Variants in TMEFF2 observed in about 807,000 individuals in gnomAD.
TMEFF2 encodes the protein transmembrane protein with EGF like and two follistatin like domains 2, also known as tomoregulin-2.
TMEFF2 carries 28 observed loss-of-function variants against 53.8 expected under a neutral mutation model. The observed-to-expected ratio is 0.52, with a 90% CI of 0.39 to 0.71. The LOEUF (loss-of-function observed/expected upper bound fraction) is 0.71. TMEFF2 is among the 30% of genes least tolerant of loss of function. TMEFF2 has a pLI of 0.00. For synonymous variants in TMEFF2, 162 were observed against 166.3 expected (o/e 0.97, Z 0.20); for missense variants, 353 against 455.2 (o/e 0.78, Z 2.04).
chr2:191,966,882 G>A (rs1574251530), intron 7 of TMEFF2, among the ~76,000 whole-genome samples: 1 of 152,078 alleles, frequency 6.6e-6, no homozygotes, highest in Admixed American at 6.5e-5. Flanking sequence ...AAAAGAACTG[G>A]AGGGGTTTTT....
chr2:191,950,400 G>C lies in TMEFF2; in HGVS notation c.1036C>G (p.Pro346Ala), dbSNP rs768540894. Residue 346 changes from proline (P) to alanine (A), a missense_variant, in exon 10 of 10, where the codon CCC becomes GCC. By Grantham distance (27) the Pro-to-Ala change is conservative. Coordinates refer to ENST00000272771, the MANE Select transcript of TMEFF2 (RefSeq NM_016192.4). ...TGTCTGTGAATTCTGTTGCTTCTGGGGCATTTCCTGGAAGGTTGGAAAGTT... is the reference window on the plus strand; with the variant it reads ...TGTCTGTGAATTCTGTTGCTTCTGGCGCATTTCCTGGAAGGTTGGAAAGTT... ...VVVLCITRKC[P>A]RSNRIHRQKQ... The C allele has an allele frequency of 6.2e-6, 10 of 1,613,476 alleles. No individual in the cohort carries two copies. The highest frequency in any genetic ancestry group is 8.5e-6 in the Non-Finnish European group (10 of 1,179,858).
chr2:191,950,500 T>TTATTAAAATATTTC (rs1352804964), intron 9 of TMEFF2, 93 bp from the exon 10 acceptor site: 8 of 1,494,588 alleles, frequency 5.4e-6, no homozygotes, highest in Non-Finnish European at 7.5e-6. Flanking sequence ...ATTAAGCAAA[T>TTATTAAAATATTTC]TATTAAAATA....
intron 4 of TMEFF2, among the ~76,000 whole-genome samples, chr2:192,107,007 G>T (rs1206788793): frequency 6.6e-6 from 1 of 151,726 alleles, no homozygotes; most frequent in East Asian, 1.9e-4. Context: ...CATGTAGGGA[G>T]TAAGGCAGAG....
intron 4 of TMEFF2, among the ~76,000 whole-genome samples, chr2:192,169,115 C>G (rs1177379338): frequency 6.6e-6 from 1 of 152,048 alleles, no homozygotes; most frequent in Non-Finnish European, 1.5e-5. Context: ...TTCTAATATA[C>G]AGGTATTAAT....
In TMEFF2 at chr2:192,022,996, AT is replaced by A. The variant is rs532561684; in HGVS notation, c.537-23789del. On this transcript the variant is annotated intron_variant, in intron 5 of 9. Transcript: ENST00000272771. ...ATGGAAGATAGAAAAGACATTGAAG[AT>A]TTTTTTATCTTTTTTTTTACTTGCT... Among the ~76,000 whole-genome samples, 439 of 151,982 alleles carry A rather than the reference AT, an allele frequency of 2.9e-3. 2 individuals are homozygous for A. Among genetic ancestry groups the A allele is most frequent in the African/African-American group, 0.01 (416 of 41,336 alleles).
At chr2:192,051,230 G>GTTT (rs10666491) in intron 5 of TMEFF2, among the ~76,000 whole-genome samples, 66,316 of 145,482 alleles carry the variant, frequency 0.46, 15,813 homozygotes, top group East Asian at 0.61. Flanking sequence ...TTTTTTCTGG[G>GTTT]TTTTTTTTTT....
chr2:192,049,476 TCC>T (rs1687710532), intron 5 of TMEFF2, among the ~76,000 whole-genome samples: 1 of 152,140 alleles, frequency 6.6e-6, no homozygotes, highest in Non-Finnish European at 1.5e-5. Flanking sequence ...ACAATGAGAT[TCC>T]TATTATTATC....
intron 4 of TMEFF2, among the ~76,000 whole-genome samples, chr2:192,067,227 A>C (rs766073832): frequency 6.6e-6 from 1 of 151,866 alleles, no homozygotes; most frequent in Non-Finnish European, 1.5e-5. Flanking sequence ...TAGAGGAACA[A>C]AGTTAGATGG....
chr2:191,997,700 A>G (rs1161731465), intron 7 of TMEFF2, among the ~76,000 whole-genome samples: 1 of 147,818 alleles, frequency 6.8e-6, no homozygotes. Context: ...TATGATTTAT[A>G]TTTATATAAA....
At position 192,020,763 on chromosome 2, in the gene TMEFF2, G is replaced by T. The variant is rs187781388; in HGVS notation, c.537-21555C>A. ...GCATTCCATTAAAAGTTTTTAATAA[G>T]ATTTCAACAAAAATAATAGTAAAAG... On this transcript the variant is annotated intron_variant, in intron 5 of 9. Transcript: ENST00000272771. 3.5e-3 allele frequency among the ~76,000 whole-genome samples: 537 copies of T among 152,114 alleles called. 3 individuals are homozygous for T. The highest frequency in any genetic ancestry group is 0.012 in the African/African-American group (515 of 41,530).
chr2:192,075,306 T>TATAAATATATATATATAAATATAA (rs1436260413), intron 4 of TMEFF2, among the ~76,000 whole-genome samples: 3 of 57,764 alleles, frequency 5.2e-5, no homozygotes, highest in Non-Finnish European at 7.4e-5. Flanking sequence ...TATATATATA[T>TATAAATATATATATATAAATATAA]ATATATATAT....
At chr2:192,052,503 G>A (rs1256234912) in intron 5 of TMEFF2, among the ~76,000 whole-genome samples, 1 of 152,054 alleles carries the variant, frequency 6.6e-6, no homozygotes, top group Non-Finnish European at 1.5e-5. Flanking sequence ...GATAATTAAG[G>A]GAATATAAGG....
At chr2:192,105,547 G>C (rs1183205682) in intron 4 of TMEFF2, among the ~76,000 whole-genome samples, 1 of 151,882 alleles carries the variant, frequency 6.6e-6, no homozygotes, top group Non-Finnish European at 1.5e-5. Context: ...GCTAAGAGCT[G>C]TTAGGTATGT....
intron 4 of TMEFF2, among the ~76,000 whole-genome samples, chr2:192,079,960 C>T (rs1382429361): frequency 1.3e-5 from 2 of 152,078 alleles, no homozygotes; most frequent in African/African-American, 2.4e-5. Context: ...CTGGTCTTTT[C>T]TATAACCAAA....
intron 4 of TMEFF2, among the ~76,000 whole-genome samples, chr2:192,130,358 G>C (rs1689786881): frequency 1.3e-5 from 2 of 151,846 alleles, no homozygotes; most frequent in Non-Finnish European, 2.9e-5. Context: ...AAATTTTAGA[G>C]TTTTCACATA....
chr2:192,129,369 GAA>G (rs11313016), intron 4 of TMEFF2, among the ~76,000 whole-genome samples: 30 of 143,806 alleles, frequency 2.1e-4, no homozygotes, highest in East Asian at 4.0e-4. Context: ...ATGTTTAATA[GAA>G]AAAAAAAAAA....
chr2:192,133,382 C>T (rs566648100), intron 4 of TMEFF2, among the ~76,000 whole-genome samples: 4 of 152,098 alleles, frequency 2.6e-5, no homozygotes, highest in South Asian at 2.1e-4. Flanking sequence ...ACCTAATCAC[C>T]CTTACCCCAC....
intron 4 of TMEFF2, among the ~76,000 whole-genome samples, chr2:192,097,372 T>C (rs977584853): frequency 6.6e-6 from 1 of 152,242 alleles, no homozygotes; most frequent in African/African-American, 2.4e-5. Flanking sequence ...AATCAAAACT[T>C]ACAAAGAGCA....
chr2:192,047,326 A>G lies in TMEFF2; in HGVS notation c.536+10353T>C, dbSNP rs1241390881. Among the ~76,000 whole-genome samples, 11 of 152,154 alleles carry G rather than the reference A, an allele frequency of 7.2e-5. No individual in the cohort carries two copies. The South Asian group carries it at 1.9e-3, about 26-fold the overall frequency. Reference sequence around the variant, plus strand: ...TTTGCCTTTTTCCAAACTGTTGTGCACTTCTCCCAGATAAACATCTCCTAA... The same window carrying G: ...TTTGCCTTTTTCCAAACTGTTGTGCGCTTCTCCCAGATAAACATCTCCTAA... On this transcript the variant is annotated intron_variant, in intron 5 of 9. Coordinates refer to ENST00000272771, the MANE Select transcript of TMEFF2 (RefSeq NM_016192.4).
Sources: allele counts gnomAD v4.1 joint callset (sites outside exome capture counted in the v4.1 genomes callset), GRCh38; gene constraint gnomAD v4.1.1; transcripts MANE v1.5; gene names NCBI Gene and HGNC (gene_info 2026-07-23, HGNC 2026-07-21).